GRM1: variants seen among roughly 807,000 people sequenced by gnomAD.
The protein encoded by GRM1 is glutamate metabotropic receptor 1.
Under a neutral mutation model 90.9 loss-of-function variants are expected in GRM1, and 33 were observed. The ratio of observed to expected loss-of-function variants is 0.36; its 90% confidence interval spans 0.28 to 0.49. The LOEUF (loss-of-function observed/expected upper bound fraction) is 0.49. Among genes scored for constraint, GRM1 ranks in the 20% least tolerant of loss-of-function variants. The probability of loss-of-function intolerance (pLI) is 0.99; values close to 1 mark genes in which losing one functional copy is unlikely to be tolerated. For missense variants in GRM1, 1,190 were observed against 1,534.3 expected (o/e 0.78, Z 3.75); for synonymous variants, 700 against 613.2 (o/e 1.14, Z -2.09).
At chr6:146,403,721 G>C (rs542587981) in intron 7 of GRM1, among the ~76,000 whole-genome samples, 1 of 152,156 alleles carries the variant, frequency 6.6e-6, no homozygotes, top group Non-Finnish European at 1.5e-5. Flanking sequence ...ATGTATTAGT[G>C]AGTTTACAGA....
At chr6:146,218,065 G>C (rs1162276216) in intron 2 of GRM1, among the ~76,000 whole-genome samples, 1 of 152,192 alleles carries the variant, frequency 6.6e-6, no homozygotes, top group African/African-American at 2.4e-5. Flanking sequence ...AAAGTACCAA[G>C]TATAGAGAGG....
chr6:146,141,207 G>A (rs1044795645), intron 1 of GRM1, among the ~76,000 whole-genome samples: 1 of 150,648 alleles, frequency 6.6e-6, no homozygotes, highest in Non-Finnish European at 1.5e-5. Context: ...TCATGACACT[G>A]TTTCCTGGCT....
chr6:146,367,865 C>T (rs2115082870), intron 5 of GRM1, among the ~76,000 whole-genome samples: 2 of 152,148 alleles, frequency 1.3e-5, no homozygotes, highest in Middle Eastern at 6.8e-3. Flanking sequence ...GTGAATAGTG[C>T]CATGATGAAC....
chr6:146,255,548 T>C (rs774614365), intron 2 of GRM1, among the ~76,000 whole-genome samples: 8 of 152,154 alleles, frequency 5.3e-5, no homozygotes, highest in Non-Finnish European at 1.0e-4. Context: ...GATTTCTCTT[T>C]AGAATCCCTC....
intron 2 of GRM1, among the ~76,000 whole-genome samples, chr6:146,225,526 C>T (rs9497494): frequency 0.11 from 16,884 of 152,088 alleles, 1,845 homozygotes; most frequent in African/African-American, 0.28. Context: ...ACTTCATTTT[C>T]ATTTTGAAGT....
intron 1 of GRM1, among the ~76,000 whole-genome samples, chr6:146,048,095 A>T (rs1365782495): frequency 1.3e-5 from 2 of 152,050 alleles, no homozygotes; most frequent in Non-Finnish European, 2.9e-5. Flanking sequence ...CATATTCACA[A>T]GCAGGTAAAG....
At chr6:146,228,121 T>C (rs1780313723) in intron 2 of GRM1, among the ~76,000 whole-genome samples, 1 of 152,202 alleles carries the variant, frequency 6.6e-6, no homozygotes, top group Non-Finnish European at 1.5e-5. Context: ...CCCAAACTAG[T>C]GCTTTGTCCT....
At chr6:146,432,361 G>A (rs1043679870) in intron 7 of GRM1, among the ~76,000 whole-genome samples, 1 of 152,000 alleles carries the variant, frequency 6.6e-6, no homozygotes, top group African/African-American at 2.4e-5. Context: ...GTACTTATCT[G>A]GCTCACTTTA....
At chr6:146,134,382 A>C (rs552719628) in intron 1 of GRM1, among the ~76,000 whole-genome samples, 2 of 152,364 alleles carry the variant, frequency 1.3e-5, no homozygotes, top group African/African-American at 4.8e-5. Flanking sequence ...ACAAACTCTC[A>C]TATGGTACTG....
At chr6:146,357,444 T>C in intron 4 of GRM1, 82 bp from the exon 5 acceptor site, 1 of 1,111,594 alleles carries the variant, frequency 9.0e-7, no homozygotes, top group Non-Finnish European at 1.4e-6. Flanking sequence ...CTCTTGTTTC[T>C]ATTATTATCT....
chr6:146,365,577 A>G (rs1775647453), intron 5 of GRM1: 2 of 152,218 alleles, frequency 1.3e-5, no homozygotes, highest in Admixed American at 1.3e-4. Flanking sequence ...TTAAGTAGAC[A>G]TTTATTAAAG....
Position 146,435,037 on chromosome 6 carries a change from G to T in GRM1, c.*241G>T. The T allele has an allele frequency of 8.4e-6, 5 of 597,660 alleles. 1 individual carries two copies. The South Asian group carries it at 9.9e-5, about 12-fold the overall frequency. The allele number at this position is 597,660 out of a possible 1,614,324, so 37.0% of individuals were successfully genotyped here. A position where few individuals can be genotyped will look rare whatever the true frequency, so the allele number is the denominator to read the frequency against. On this transcript the variant is annotated 3_prime_UTR_variant, in exon 8 of 8. Coordinates refer to ENST00000282753, the MANE Select transcript of GRM1 (RefSeq NM_001278064.2). ...TTGAATTACTCGAAGCCTTCTCTGG[G>T]AAGAAAGGGAATTCTGACAAAGCAC...
At chr6:146,312,115 G>T (rs1198061714) in intron 3 of GRM1, among the ~76,000 whole-genome samples, 1 of 151,914 alleles carries the variant, frequency 6.6e-6, no homozygotes, top group Non-Finnish European at 1.5e-5. Flanking sequence ...GCCGAGGTGG[G>T]CGGATCAAGA....
intron 3 of GRM1, among the ~76,000 whole-genome samples, chr6:146,318,901 C>T (rs980165208): frequency 1.3e-5 from 2 of 152,058 alleles, no homozygotes; most frequent in Admixed American, 6.6e-5. Context: ...GATATTAGCC[C>T]TTTGTCAGAT....
chr6:146,389,220 C>G (rs956801156), intron 6 of GRM1, among the ~76,000 whole-genome samples: 9 of 151,986 alleles, frequency 5.9e-5, no homozygotes, highest in African/African-American at 2.2e-4. Context: ...TAGGAAAAAG[C>G]TCAAAGACAA....
intron 1 of GRM1, among the ~76,000 whole-genome samples, chr6:146,103,396 C>T (rs964002347): frequency 2.6e-5 from 4 of 152,116 alleles, no homozygotes; most frequent in Non-Finnish European, 4.4e-5. Context: ...TGAAGGGACA[C>T]GAAGGCCCAG....
intron 1 of GRM1, among the ~76,000 whole-genome samples, chr6:146,047,131 C>T (rs947034035): frequency 5.3e-5 from 8 of 151,938 alleles, no homozygotes; most frequent in East Asian, 3.9e-4. Context: ...GTTGGAAAAG[C>T]GGACCCAGAT....
intron 2 of GRM1, among the ~76,000 whole-genome samples, chr6:146,187,738 C>CATATATATATATATATAT (rs10656760): frequency 1.5e-3 from 220 of 148,482 alleles, no homozygotes; most frequent in African/African-American, 5.1e-3. Flanking sequence ...AGGCACAAAA[C>CATATATATATATATATAT]ATATATATAT....
At chr6:146,268,142 C>G (rs1288097175) in intron 2 of GRM1, among the ~76,000 whole-genome samples, 2 of 152,274 alleles carry the variant, frequency 1.3e-5, no homozygotes, top group East Asian at 3.9e-4. Context: ...ACACATTCCT[C>G]AAGACTTGAC....
Sources: allele counts gnomAD v4.1 joint callset (sites outside exome capture counted in the v4.1 genomes callset), GRCh38; gene constraint gnomAD v4.1.1; transcripts MANE v1.5; gene names NCBI Gene and HGNC (gene_info 2026-07-23, HGNC 2026-07-21).